The following MDGA2 variants were observed in gnomAD, a reference collection of about 807,000 sequenced individuals.
The protein encoded by MDGA2 is MAM domain-containing glycosylphosphatidylinositol anchor protein 2.
MDGA2 carries 40 observed loss-of-function variants against 117.8 expected under a neutral mutation model. That is an observed-to-expected ratio of 0.34 (90% confidence interval 0.26 to 0.44). The LOEUF (loss-of-function observed/expected upper bound fraction) is 0.44. Ranked by LOEUF, MDGA2 falls within the 20% of genes least tolerant of loss-of-function variation. The probability of loss-of-function intolerance (pLI) is 1.00; values close to 1 mark genes in which losing one functional copy is unlikely to be tolerated. For synonymous variants in MDGA2, 452 were observed against 439.0 expected, an observed-to-expected ratio of 1.03 and a Z score of -0.37; for missense variants, 1,123 against 1,250.6, an observed-to-expected ratio of 0.90 and a Z score of 1.54.
rs371279703 is a variant in MDGA2, at chr14:46,947,112, T to G, written c.2089+10262A>C. On this transcript the variant is annotated intron_variant, in intron 9 of 16. Transcript: ENST00000399232. ...CTTGCTTAATTCCAACAAACAAGAA[T>G]TCTTTTTAAAATTATCTTTGTAAGA... 1.2e-3 allele frequency among the ~76,000 whole-genome samples: 177 copies of G among 152,214 alleles called. 1 individual carries two copies. The highest frequency in any genetic ancestry group is 4.1e-3 in the African/African-American group (170 of 41,556).
chr14:47,095,283 TTAAAA>T (rs1202086409), intron 6 of MDGA2, among the ~76,000 whole-genome samples: 2 of 152,038 alleles, frequency 1.3e-5, no homozygotes, highest in Non-Finnish European at 2.9e-5. Context: ...ATGACCTGAC[TTAAAA>T]TAAAATCTCA....
At chr14:47,542,582 G>C (rs1040592830) in intron 1 of MDGA2, among the ~76,000 whole-genome samples, 1 of 152,088 alleles carries the variant, frequency 6.6e-6, no homozygotes, top group Admixed American at 6.5e-5. Flanking sequence ...TCAGAGTCAA[G>C]ACTGTTACTA....
intron 1 of MDGA2, among the ~76,000 whole-genome samples, chr14:47,382,262 C>A (rs962743643): frequency 6.6e-6 from 1 of 152,140 alleles, no homozygotes; most frequent in African/African-American, 2.4e-5. Flanking sequence ...TAGAAGAAAA[C>A]CTAGGCAACA....
At chr14:47,373,831 A>G (rs1272000180) in intron 1 of MDGA2, among the ~76,000 whole-genome samples, 1 of 152,102 alleles carries the variant, frequency 6.6e-6, no homozygotes, top group East Asian at 1.9e-4. Context: ...TAAGAATAAT[A>G]CTCGATGTAG....
intron 1 of MDGA2, among the ~76,000 whole-genome samples, chr14:47,569,137 C>T (rs1299573416): frequency 6.6e-6 from 1 of 151,726 alleles, no homozygotes; most frequent in Non-Finnish European, 1.5e-5. Context: ...CTGTCAGCAC[C>T]ATAAGACAGG....
rs990434502 is a variant in MDGA2 at position 47,139,861 on chromosome 14, T to C, written c.792+4217A>G. On this transcript the variant is annotated intron_variant, in intron 4 of 16. Transcript: ENST00000399232. ...ATATATACACACATATATATACACA[T>C]ATATATATATACACACACACACATA... Among the ~76,000 whole-genome samples, 20 of 129,100 alleles carry C rather than the reference T, an allele frequency of 1.5e-4. No homozygotes were observed. In the South Asian group the frequency reaches 1.8e-3, roughly 12 times the overall value. The allele number at this position is 129,100 out of a possible 152,430, so 84.7% of individuals were successfully genotyped here.
intron 4 of MDGA2, among the ~76,000 whole-genome samples, chr14:47,142,666 T>TA (rs921305513): frequency 1.1e-4 from 16 of 152,274 alleles, no homozygotes; most frequent in African/African-American, 3.4e-4. Context: ...TATTTTAAAC[T>TA]AAAAAAATCA....
rs1048039918 is a variant in MDGA2, at chr14:46,855,124, C to T, written c.2783G>A (p.Gly928Glu). ...CAGTGGATTCTCTATTGTTGTTTGC[C>T]CTTTCAAACGTAGATAAACATTTAA... ...GVLNVYLRLK[G>E]QTTIENPLWS... Residue 928 changes from glycine to glutamate, a missense_variant, in exon 15 of 17, where the codon GGG becomes GAG. By Grantham distance (98) the Gly-to-Glu change is moderately conservative (BLOSUM62 -2). Around this residue, in one of 2 missense-constraint regions of MDGA2, gnomAD observed 890 missense variants for 1,050.3 expected, o/e 0.85. Coordinates refer to ENST00000399232, the MANE Select transcript of MDGA2 (RefSeq NM_001113498.3). The surrounding 1 kb of genome is among the most constrained non-coding windows in gnomAD (Gnocchi z 4.1). The T allele has an allele frequency of 2.5e-6, 4 of 1,608,736 alleles. No individual in the cohort carries two copies. Among genetic ancestry groups the T allele is most frequent in the South Asian group, 1.1e-5 (1 of 90,208 alleles).
chr14:47,308,419 C>A (rs1889526227), intron 1 of MDGA2, among the ~76,000 whole-genome samples: 1 of 151,696 alleles, frequency 6.6e-6, no homozygotes, highest in Non-Finnish European at 1.5e-5. Flanking sequence ...ATATTATTTT[C>A]TAGTATCCTT....
chr14:47,616,830 C>T (rs938313156), intron 1 of MDGA2, among the ~76,000 whole-genome samples: 1 of 152,138 alleles, frequency 6.6e-6, no homozygotes, highest in Non-Finnish European at 1.5e-5. Context: ...TCAGTTAAAA[C>T]TGAGCTATAT....
rs533976334 is a variant in MDGA2 at position 47,365,502 on chromosome 14, G to A, written c.281-63952C>T. Among the ~76,000 whole-genome samples the A allele has an allele frequency of 1.4e-3, 209 of 152,364 alleles. 1 individual carries two copies. The highest frequency in any genetic ancestry group is 2.1e-3 in the Non-Finnish European group (143 of 68,036). On this transcript the variant is annotated intron_variant, in intron 1 of 16. Transcript: ENST00000399232. ...CATTCGTAAGCTACTCAGTGGCCAC[G>A]AGCAGTACTGGTAGACAGAAACCTA... is the stretch of plus-strand genomic sequence containing the variant.
intron 1 of MDGA2, among the ~76,000 whole-genome samples, chr14:47,400,486 A>G (rs985572689): frequency 1.3e-5 from 2 of 151,960 alleles, no homozygotes; most frequent in Admixed American, 6.6e-5. Flanking sequence ...AGTGAATATT[A>G]AAATATACTT....
intron 12 of MDGA2, among the ~76,000 whole-genome samples, chr14:46,875,448 G>A (rs1008026488): frequency 1.3e-4 from 19 of 151,470 alleles, no homozygotes; most frequent in African/African-American, 4.4e-4. Flanking sequence ...TCTATATTCT[G>A]GGTAGGTAAT....
chr14:46,979,021 C>T (rs985364123), intron 8 of MDGA2, among the ~76,000 whole-genome samples: 3 of 152,006 alleles, frequency 2.0e-5, no homozygotes, highest in Non-Finnish European at 4.4e-5. Flanking sequence ...AGATCTGTGC[C>T]AACCCTGCAT....
At chr14:47,443,053 T>C (rs1893046752) in intron 1 of MDGA2, among the ~76,000 whole-genome samples, 1 of 152,140 alleles carries the variant, frequency 6.6e-6, no homozygotes, top group Non-Finnish European at 1.5e-5. Context: ...ATAGTGACGC[T>C]AGCAATTAAG....
chr14:47,117,292 T>C (rs1952215), intron 5 of MDGA2, among the ~76,000 whole-genome samples: 32,277 of 152,032 alleles, frequency 0.21, 3,601 homozygotes, highest in East Asian at 0.5. Context: ...ACTGGAAGCT[T>C]CGTGCAATGC....
At chr14:47,337,582 T>C (rs557463684) in intron 1 of MDGA2, among the ~76,000 whole-genome samples, 65 of 152,138 alleles carry the variant, frequency 4.3e-4, no homozygotes, top group African/African-American at 1.4e-3. Context: ...TAAATACTAC[T>C]AGAGACTGAC....
At chr14:47,083,681 T>G (rs957804830) in intron 6 of MDGA2, among the ~76,000 whole-genome samples, 2 of 152,084 alleles carry the variant, frequency 1.3e-5, no homozygotes, top group Non-Finnish European at 2.9e-5. Context: ...ATATATTATC[T>G]ATAAGAAATT....
At chr14:47,242,890 G>A (rs564013057) in intron 2 of MDGA2, among the ~76,000 whole-genome samples, 1 of 151,970 alleles carries the variant, frequency 6.6e-6, no homozygotes, top group South Asian at 2.1e-4. Flanking sequence ...TCCACTAGGT[G>A]AAGCCAGCTG....
Sources: allele counts gnomAD v4.1 joint callset (sites outside exome capture counted in the v4.1 genomes callset), GRCh38; gene constraint gnomAD v4.1.1; regional missense constraint gnomAD v4.1.1; non-coding constraint Gnocchi (gnomAD v3.1); transcripts MANE v1.5; gene names NCBI Gene and HGNC (gene_info 2026-07-23, HGNC 2026-07-21).